Variants in RECK observed in about 807,000 individuals in gnomAD.
The protein encoded by RECK is reversion inducing cysteine rich protein with kazal motifs.
Under a neutral mutation model 115.1 loss-of-function variants are expected in RECK, and 69 were observed. The ratio of observed to expected loss-of-function variants is 0.60; its 90% CI spans 0.49 to 0.73. The LOEUF is 0.73. RECK is among the 30% of genes least tolerant of loss of function. RECK has a pLI of 0.00. For synonymous variants in RECK, 414 were observed against 419.7 expected (o/e 0.99, Z 0.17); for missense variants, 1,047 against 1,203.7 (o/e 0.87, Z 1.93).
intron 10 of RECK, among the ~76,000 whole-genome samples, chr9:36,099,303 A>G (rs1308719656): frequency 6.6e-6 from 1 of 152,190 alleles, no homozygotes; most frequent in Non-Finnish European, 1.5e-5. Flanking sequence ...AAAACATGTG[A>G]TACAACAACA....
At chr9:36,052,125 C>A in intron 1 of RECK, 140 bp from the exon 2 acceptor site, 1 of 594,850 alleles carries the variant, frequency 1.7e-6, no homozygotes. Flanking sequence ...AATAGGTGCT[C>A]AGTAAAGGTT....
Position 36,109,952 on chromosome 9 carries a change from G to A in RECK, c.1766-5G>A, listed in dbSNP as rs1215879993. On this transcript the variant is annotated splice_region_variant and splice_polypyrimidine_tract_variant and intron_variant, in intron 14 of 20. Coordinates refer to ENST00000377966, the MANE Select transcript of RECK (RefSeq NM_021111.3). ...AGATCAACATTTTCTTTCTGTTTCT[G>A]TCAGGTCATGGAACATCCTTTAGTA... 2 of 1,606,188 alleles carry A rather than the reference G, an allele frequency of 1.2e-6. No individual in the cohort carries two copies.
intron 4 of RECK, among the ~76,000 whole-genome samples, chr9:36,062,131 CTT>C (rs1382506628): frequency 2.7e-5 from 4 of 146,288 alleles, no homozygotes; most frequent in African/African-American, 1.0e-4. Flanking sequence ...AGGCTTTTCT[CTT>C]TTCATAATTA....
intron 12 of RECK, among the ~76,000 whole-genome samples, chr9:36,104,772 G>A (rs1281725172): frequency 6.6e-6 from 1 of 152,034 alleles, no homozygotes; most frequent in Non-Finnish European, 1.5e-5. Flanking sequence ...GCCTCCCAAA[G>A]TGCTGGGATT....
In RECK at chr9:36,058,899, A is replaced by G. The variant is rs893787213; in HGVS notation, c.232A>G (p.Met78Val). The G allele has an allele frequency of 1.3e-6, 2 of 1,555,740 alleles. No homozygotes were observed. The highest frequency in any genetic ancestry group is 1.7e-6 in the Non-Finnish European group (2 of 1,145,648). ...QRAPDYCPET[M>V]VEIWNCMNSS... is the part of the protein sequence containing the mutation. ...AGCCCCAGATTATTGCCCAGAGACA[A>G]TGGTAAGTCTTATTGTAACTTAACT... Residue 78 changes from methionine to valine, a missense_variant and splice_region_variant, in exon 3 of 21, where the codon ATG becomes GTG. Physicochemically the swap from Met to Val is conservative, Grantham distance 21 (BLOSUM62 1). Coordinates refer to ENST00000377966, the MANE Select transcript of RECK (RefSeq NM_021111.3).
At chr9:36,069,551 A>G (rs1046904858) in intron 6 of RECK, among the ~76,000 whole-genome samples, 1 of 152,096 alleles carries the variant, frequency 6.6e-6, no homozygotes, top group African/African-American at 2.4e-5. Context: ...AGAACAGTAT[A>G]ATTGAAATAC....
intron 20 of RECK, among the ~76,000 whole-genome samples, 184 bp downstream of exon 20, chr9:36,121,872 G>A (rs1824473529): frequency 1.3e-5 from 2 of 152,234 alleles, no homozygotes; most frequent in Non-Finnish European, 1.5e-5. Context: ...CACTTTGCCA[G>A]TGGCTGAGAC....
chr9:36,089,036 A>C (rs1227982873), intron 9 of RECK, among the ~76,000 whole-genome samples: 3 of 152,200 alleles, frequency 2.0e-5, no homozygotes, highest in African/African-American at 7.2e-5. Flanking sequence ...TAAATTAATT[A>C]ATTAATTAAA....
chr9:36,095,114 T>G (rs1823288900), intron 10 of RECK, among the ~76,000 whole-genome samples: 1 of 152,210 alleles, frequency 6.6e-6, no homozygotes, highest in Non-Finnish European at 1.5e-5. Context: ...AGGAAATGCT[T>G]GAACCTGGGA....
At chr9:36,040,069 T>C (rs1159341904) in intron 1 of RECK, among the ~76,000 whole-genome samples, 2 of 135,212 alleles carry the variant, frequency 1.5e-5, no homozygotes, top group African/African-American at 2.9e-5. Context: ...AAAAGAGATA[T>C]TATGAGGTTT....
intron 6 of RECK, among the ~76,000 whole-genome samples, chr9:36,073,231 G>GACACAC (rs1296993241): frequency 8.2e-4 from 78 of 94,894 alleles, no homozygotes; most frequent in East Asian, 1.0e-3. Flanking sequence ...GACACACACA[G>GACACAC]ACACACACAG....
At chr9:36,050,776 C>T (rs10972709) in intron 1 of RECK, among the ~76,000 whole-genome samples, 9,030 of 152,210 alleles carry the variant, frequency 0.059, 423 homozygotes, top group South Asian at 0.18. Context: ...CTTCTTTGAA[C>T]ACACCAGAAA....
rs1296609187 is a variant in RECK, at chr9:36,052,257, C to G, written c.101-8C>G. On this transcript the variant is annotated splice_region_variant and splice_polypyrimidine_tract_variant and intron_variant, in intron 1 of 20. Transcript: ENST00000377966. ...GAACAACATTTGATGTTTATTTTTT[C>G]TCCCTAGGTGCATTGTGTTGTAATC... 3 of 1,587,800 alleles carry G rather than the reference C, an allele frequency of 1.9e-6. No homozygotes were observed. Among genetic ancestry groups the G allele is most frequent in the Non-Finnish European group, 2.6e-6 (3 of 1,156,442 alleles).
At chr9:36,061,919 C>T (rs1008815012) in intron 4 of RECK, among the ~76,000 whole-genome samples, 1 of 152,076 alleles carries the variant, frequency 6.6e-6, no homozygotes, top group Admixed American at 6.6e-5. Flanking sequence ...TAGCAGAATG[C>T]TTCTATTTGT....
intron 2 of RECK, among the ~76,000 whole-genome samples, chr9:36,053,435 G>A (rs775761774): frequency 1.3e-5 from 2 of 152,144 alleles, no homozygotes; most frequent in Admixed American, 6.5e-5. Context: ...TAATGTAGAC[G>A]TAGAAAGATT....
chr9:36,121,396 G>A lies in RECK; in HGVS notation c.2539-137G>A, dbSNP rs1427600280. On this transcript the variant is annotated intron_variant, in intron 19 of 20. Transcript: ENST00000377966. ...GACTGGAGATTCAGAATTTGGCCTA[G>A]CAAAGCTGCGGTTGGGCCTTCCGCT... 8.2e-6 allele frequency: 6 copies of A among 732,366 alleles called. No homozygotes were observed. In the East Asian group the frequency reaches 1.6e-4, roughly 20 times the overall value. The allele number at this position is 732,366 out of a possible 1,614,324, so 45.4% of individuals were successfully genotyped here.
intron 6 of RECK, among the ~76,000 whole-genome samples, chr9:36,072,036 A>G (rs1348629034): frequency 6.6e-6 from 1 of 152,196 alleles, no homozygotes; most frequent in Non-Finnish European, 1.5e-5. Context: ...ATATAAAAGT[A>G]AATATATATA....
At chr9:36,049,752 C>A (rs948103571) in intron 1 of RECK, among the ~76,000 whole-genome samples, 7 of 152,230 alleles carry the variant, frequency 4.6e-5, no homozygotes, top group African/African-American at 1.7e-4. Context: ...TGTTCTACAA[C>A]TGCTCAAAAG....
chr9:36,073,202 C>G (rs1031178043), intron 6 of RECK, among the ~76,000 whole-genome samples: 43 of 148,980 alleles, frequency 2.9e-4, no homozygotes, highest in African/African-American at 9.8e-4. Context: ...TCCCTTCCAC[C>G]CCTAAACAGC....
Sources: gnomAD v4.1 joint callset for allele counts (sites outside exome capture counted in the v4.1 genomes callset) on GRCh38, gnomAD v4.1.1 for gene constraint, MANE v1.5 for transcripts, NCBI Gene and HGNC (gene_info 2026-07-23, HGNC 2026-07-21) for gene names.